The following CYP2C18 variants were observed in gnomAD, a reference collection of about 807,000 sequenced individuals.
CYP2C18 encodes the protein cytochrome P450 family 2 subfamily C member 18, also known as cytochrome P450 2C18.
Under a neutral mutation model 41.3 loss-of-function variants are expected in CYP2C18, and 38 were observed. The observed-to-expected ratio is 0.92, with a 90% CI of 0.71 to 1.21. CYP2C18 has a LOEUF of 1.21. CYP2C18 is among the 50% of genes most tolerant of loss of function. The pLI is 0.00. For missense variants in CYP2C18, 635 were observed against 591.4 expected, an observed-to-expected ratio of 1.07 and a Z score of -0.77; for synonymous variants, 236 against 210.0, an observed-to-expected ratio of 1.12 and a Z score of -1.07.
intron 4 of CYP2C18, among the ~76,000 whole-genome samples, chr10:94,698,231 G>C (rs140011609): frequency 4.6e-5 from 7 of 152,174 alleles, no homozygotes; most frequent in Non-Finnish European, 8.8e-5. Flanking sequence ...ATAGTTGGAA[G>C]TAAAGCACTC....
At chr10:94,717,296 G>C (rs1407206638) in intron 5 of CYP2C18, among the ~76,000 whole-genome samples, 1 of 152,124 alleles carries the variant, frequency 6.6e-6, no homozygotes, top group Non-Finnish European at 1.5e-5. Context: ...TTACAATTTA[G>C]CATGTTTTTG....
Position 94,724,426 on chromosome 10 carries a change from A to G in CYP2C18, c.1042A>G (p.Thr348Ala), listed in dbSNP as rs770560941. The G allele has an allele frequency of 3.1e-6, 5 of 1,613,666 alleles. No individual in the cohort carries two copies. Among genetic ancestry groups the G allele is most frequent in the Non-Finnish European group, 4.2e-6 (5 of 1,179,718 alleles). ...GCAGGACAGGAGTCACATGCCCTAC[A>G]CAGATGCTGTGGTGCACGAGATCCA... ...CMQDRSHMPY[T>A]DAVVHEIQRY... The change falls in exon 7 of 9, where the codon ACA (threonine) becomes GCA (alanine). Residue 348 changes from threonine to alanine, a missense_variant. Physicochemically the swap from Thr to Ala is moderately conservative, Grantham distance 58. Transcript: ENST00000285979.
chr10:94,729,178 C>T (rs1438863062), intron 7 of CYP2C18, among the ~76,000 whole-genome samples: 1 of 152,088 alleles, frequency 6.6e-6, no homozygotes, highest in Non-Finnish European at 1.5e-5. Flanking sequence ...GTCAGCTGAG[C>T]TCATATAAAG....
intron 5 of CYP2C18, among the ~76,000 whole-genome samples, chr10:94,717,994 T>C (rs1285142380): frequency 2.0e-5 from 3 of 152,096 alleles, no homozygotes; most frequent in Admixed American, 1.3e-4. Flanking sequence ...CTAAGAGAGA[T>C]AACATTGGAA....
At chr10:94,734,142 G>T (rs1847879589) in intron 8 of CYP2C18, among the ~76,000 whole-genome samples, 1 of 152,060 alleles carries the variant, frequency 6.6e-6, no homozygotes, top group Non-Finnish European at 1.5e-5. Context: ...GTAGATCTAG[G>T]GGGTCAGAAC....
intron 1 of CYP2C18, among the ~76,000 whole-genome samples, chr10:94,685,148 C>G (rs1390574937): frequency 6.6e-6 from 1 of 151,900 alleles, no homozygotes; most frequent in Non-Finnish European, 1.5e-5. Context: ...ATCCTTCTAC[C>G]TTAGACCCCC....
At chr10:94,714,592 A>G (rs532151250) in intron 5 of CYP2C18, among the ~76,000 whole-genome samples, 1 of 152,256 alleles carries the variant, frequency 6.6e-6, no homozygotes, top group South Asian at 2.1e-4. Context: ...CTTGTAGTAT[A>G]GTTTGAAGTC....
intron 6 of CYP2C18, among the ~76,000 whole-genome samples, chr10:94,721,319 A>G (rs965764819): frequency 1.3e-5 from 2 of 152,072 alleles, no homozygotes; most frequent in African/African-American, 4.8e-5. Flanking sequence ...CCAGCCAGGT[A>G]TGCTTCTATA....
At chr10:94,693,316 A>C (rs1169180547) in intron 3 of CYP2C18, among the ~76,000 whole-genome samples, 1 of 151,308 alleles carries the variant, frequency 6.6e-6, no homozygotes, top group African/African-American at 2.4e-5. Flanking sequence ...AGTGTGTAGC[A>C]CCTCCCACCT....
intron 5 of CYP2C18, among the ~76,000 whole-genome samples, chr10:94,711,326 C>T (rs1463939383): frequency 1.3e-5 from 2 of 152,138 alleles, no homozygotes; most frequent in Non-Finnish European, 2.9e-5. Context: ...TTCTCTTTCT[C>T]CATAATCTTG....
rs779808698 is a variant in CYP2C18, at chr10:94,695,053, G to A, written c.618G>A (p.Arg206=). 4.3e-6 allele frequency: 7 copies of A among 1,612,426 alleles called. No individual in the cohort carries two copies. Among genetic ancestry groups the A allele is most frequent in the Non-Finnish European group, 5.1e-6 (6 of 1,179,718 alleles). The change falls in exon 4 of 9, where the codon AGG becomes AGA. Residue 206 remains arginine (R), a synonymous_variant. Transcript: ENST00000285979. ...NLMEKFNENL[R]ILSSPWIQVC... ...TGGAAAAATTCAATGAAAACCTCAG[G>A]ATTCTGAGCTCTCCATGGATCCAGG... is the stretch of plus-strand genomic sequence containing the variant.
At chr10:94,685,285 T>A (rs80064739) in intron 1 of CYP2C18, among the ~76,000 whole-genome samples, 5,125 of 152,138 alleles carry the variant, frequency 0.034, 305 homozygotes, top group African/African-American at 0.12. Context: ...CCACCCACCT[T>A]TGTCTCTCAA....
intron 7 of CYP2C18, among the ~76,000 whole-genome samples, chr10:94,726,151 A>G (rs1021925289): frequency 6.6e-6 from 1 of 152,038 alleles, no homozygotes; most frequent in Non-Finnish European, 1.5e-5. Context: ...AACACCTTCT[A>G]CCTTCATTCA....
chr10:94,689,755 G>A (rs1846962820), intron 3 of CYP2C18, among the ~76,000 whole-genome samples: 1 of 152,004 alleles, frequency 6.6e-6, no homozygotes, highest in Non-Finnish European at 1.5e-5. Context: ...GCTTGTTTTT[G>A]CTCTGAATAT....
chr10:94,688,393 A>C (rs1454453865), intron 3 of CYP2C18, 119 bp downstream of exon 3: 1 of 1,202,604 alleles, frequency 8.3e-7, no homozygotes, highest in South Asian at 1.6e-5. Context: ...TGTTACATGC[A>C]CAGAATGTGT....
At chr10:94,706,571 T>C (rs543150437) in intron 4 of CYP2C18, among the ~76,000 whole-genome samples, 53 of 152,284 alleles carry the variant, frequency 3.5e-4, no homozygotes, top group South Asian at 1.7e-3. Flanking sequence ...TATATGAGTA[T>C]AGAAAATTAT....
At chr10:94,700,612 A>G (rs1396392424) in intron 4 of CYP2C18, among the ~76,000 whole-genome samples, 1 of 152,250 alleles carries the variant, frequency 6.6e-6, no homozygotes, top group African/African-American at 2.4e-5. Context: ...ACAAAAGCCA[A>G]ATTTGACAAA....
intron 4 of CYP2C18, among the ~76,000 whole-genome samples, chr10:94,699,633 C>A (rs1378704127): frequency 2.0e-5 from 3 of 152,124 alleles, no homozygotes; most frequent in Non-Finnish European, 1.5e-5. Context: ...CCAGGGCAAT[C>A]AGGCAGGAGA....
chr10:94,701,494 G>T (rs527949456), intron 4 of CYP2C18, among the ~76,000 whole-genome samples: 1 of 152,222 alleles, frequency 6.6e-6, no homozygotes, highest in Non-Finnish European at 1.5e-5. Flanking sequence ...GGGAGGGATA[G>T]CATTAGGAGA....
Sources: gnomAD v4.1 joint callset for allele counts (sites outside exome capture counted in the v4.1 genomes callset) on GRCh38, gnomAD v4.1.1 for gene constraint, MANE v1.5 for transcripts, NCBI Gene and HGNC (gene_info 2026-07-23, HGNC 2026-07-21) for gene names.